Variants in DPY19L2 observed in about 807,000 individuals in gnomAD.
The protein encoded by DPY19L2 is dpy-19 like 2.
Under a neutral mutation model 97.9 loss-of-function variants are expected in DPY19L2, and 34 were observed. The ratio of observed to expected loss-of-function variants is 0.35; its 90% confidence interval spans 0.26 to 0.46. DPY19L2 has a LOEUF of 0.46. Among genes scored for constraint, DPY19L2 ranks in the 20% least tolerant of loss-of-function variants. The pLI is 1.00. For synonymous variants in DPY19L2, 230 were observed against 307.9 expected, an observed-to-expected ratio of 0.75 and a Z score of 2.65; for missense variants, 623 against 911.4, an observed-to-expected ratio of 0.68 and a Z score of 4.07.
chr12:63,601,336 G>GTTA (rs1885157282), intron 12 of DPY19L2, among the ~76,000 whole-genome samples: 1 of 151,958 alleles, frequency 6.6e-6, no homozygotes, highest in Non-Finnish European at 1.5e-5. Flanking sequence ...AGGCTTCTGT[G>GTTA]TTGTTGTTGT....
At position 63,652,962 on chromosome 12, in the gene DPY19L2, T is replaced by C. The variant is rs139318745; in HGVS notation, c.589-5597A>G. Among the ~76,000 whole-genome samples, 856 of 151,756 alleles carry C rather than the reference T, an allele frequency of 5.6e-3. 14 individuals are homozygous for C. The highest frequency in any genetic ancestry group is 0.017 in the Admixed American group (266 of 15,258). On this transcript the variant is annotated intron_variant, in intron 4 of 21. Coordinates refer to ENST00000324472, the MANE Select transcript of DPY19L2 (RefSeq NM_173812.5). ...AGAAGAAAAAGTGTCAGCAGAAAAATAGAACACATAAAGAAAAGTCAAAAT... is the reference window on the plus strand; with the variant it reads ...AGAAGAAAAAGTGTCAGCAGAAAAACAGAACACATAAAGAAAAGTCAAAAT...
At chr12:63,656,906 CT>C (rs1565851241) in intron 4 of DPY19L2, among the ~76,000 whole-genome samples, 1 of 87,816 alleles carries the variant, frequency 1.1e-5, no homozygotes, top group African/African-American at 4.9e-5. Context: ...CTAAAATTAT[CT>C]ATCTGATCTT....
At chr12:63,628,075 T>C (rs1187250576) in intron 6 of DPY19L2, among the ~76,000 whole-genome samples, 2 of 151,774 alleles carry the variant, frequency 1.3e-5, no homozygotes, top group Non-Finnish European at 2.9e-5. Context: ...GTAAGATGAG[T>C]TGGTGAGGGG....
chr12:63,648,606 T>G (rs568657092), intron 4 of DPY19L2, among the ~76,000 whole-genome samples: 6 of 152,086 alleles, frequency 3.9e-5, no homozygotes, highest in African/African-American at 1.4e-4. Flanking sequence ...TTTTATATAT[T>G]TAGTAGAGAC....
intron 16 of DPY19L2, among the ~76,000 whole-genome samples, chr12:63,593,559 A>G (rs542982217): frequency 5.5e-4 from 84 of 152,198 alleles, no homozygotes; most frequent in African/African-American, 2.0e-3. Context: ...CAAACACCGC[A>G]TATTCTCACT....
intron 3 of DPY19L2, among the ~76,000 whole-genome samples, chr12:63,662,012 A>G (rs117872144): frequency 0.07 from 10,708 of 152,222 alleles, 411 homozygotes; most frequent in Middle Eastern, 0.095. Flanking sequence ...GCAAAGTGAA[A>G]GCTCAGTGTC....
At chr12:63,577,090 C>G (rs1228847142) in intron 19 of DPY19L2, among the ~76,000 whole-genome samples, 1 of 151,870 alleles carries the variant, frequency 6.6e-6, no homozygotes, top group Non-Finnish European at 1.5e-5. Flanking sequence ...AACAGACACA[C>G]AGACCAGTGG....
intron 18 of DPY19L2, 59 bp from the exon 19 acceptor site, chr12:63,580,895 C>G: frequency 6.5e-7 from 1 of 1,539,408 alleles, no homozygotes. Flanking sequence ...GTAGGGTCAA[C>G]AATAAATTCT....
At position 63,569,244 on chromosome 12, in the gene DPY19L2, T is replaced by C; in HGVS notation, c.2106A>G (p.Ala702=). ...LHVNYYVLEE[A]WCVVRTKPGC... ...CTCACTTAGTTCTCACAACACACCA[T>C]GCCTCTTCTAAAACATAATAATTCA... The change falls in exon 21 of 22, where the codon GCA becomes GCG. Residue 702 remains alanine, a synonymous_variant. Transcript: ENST00000324472. 1 of 1,597,316 alleles carries C rather than the reference T, an allele frequency of 6.3e-7. No homozygotes were observed.
At chr12:63,597,314 A>C (rs1249673708) in intron 14 of DPY19L2, among the ~76,000 whole-genome samples, 1 of 152,130 alleles carries the variant, frequency 6.6e-6, no homozygotes, top group Non-Finnish European at 1.5e-5. Context: ...TTTAAAAAGA[A>C]TAATACCTTG....
intron 6 of DPY19L2, among the ~76,000 whole-genome samples, chr12:63,633,084 A>T (rs566806796): frequency 1.3e-5 from 2 of 152,292 alleles, no homozygotes; most frequent in African/African-American, 4.8e-5. Context: ...TTAAAGACTT[A>T]AACGTTAGAC....
At position 63,647,436 on chromosome 12, in the gene DPY19L2, A is replaced by C. The variant is rs927093059; in HGVS notation, c.589-71T>G. ...TCTTCATAATAATAATAATAATAAT[A>C]TATACCATGGAATACTATGCAGCCA... On this transcript the variant is annotated intron_variant, in intron 4 of 21. Coordinates refer to ENST00000324472, the MANE Select transcript of DPY19L2 (RefSeq NM_173812.5). 204 of 689,370 alleles carry C rather than the reference A, an allele frequency of 3.0e-4. 15 individuals carry two copies. The highest frequency in any genetic ancestry group is 7.2e-5 in the Admixed American group (2 of 27,644). The allele number at this position is 689,370 out of a possible 1,614,324, so 42.7% of individuals were successfully genotyped here.
intron 4 of DPY19L2, among the ~76,000 whole-genome samples, chr12:63,658,719 T>C (rs1895291808): frequency 6.6e-6 from 1 of 152,138 alleles, no homozygotes; most frequent in African/African-American, 2.4e-5. Flanking sequence ...CAAGGAAGTA[T>C]TACTCATAAA....
intron 12 of DPY19L2, among the ~76,000 whole-genome samples, chr12:63,603,542 C>T (rs184158725): frequency 8.5e-5 from 13 of 152,212 alleles, no homozygotes; most frequent in African/African-American, 2.2e-4. Context: ...CCCTGACAAG[C>T]CCCAGTGTGT....
chr12:63,619,951 G>A (rs1888422179), intron 9 of DPY19L2: 1 of 455,656 alleles, frequency 2.2e-6, no homozygotes, highest in African/African-American at 2.0e-5. Flanking sequence ...ACCTGAAAGG[G>A]GCCAACTTTT....
At chr12:63,649,526 A>T (rs1252481802) in intron 4 of DPY19L2, among the ~76,000 whole-genome samples, 2 of 152,110 alleles carry the variant, frequency 1.3e-5, no homozygotes, top group African/African-American at 4.8e-5. Context: ...AAAGCAAAAA[A>T]CTCTGAGAGA....
intron 6 of DPY19L2, among the ~76,000 whole-genome samples, chr12:63,633,645 A>C (rs1891112968): frequency 6.6e-6 from 1 of 152,174 alleles, no homozygotes; most frequent in South Asian, 2.1e-4. Context: ...CCATTGTGGA[A>C]GTCAGAGTGG....
rs1258343428 is a variant in DPY19L2, at chr12:63,559,230, T to C, written c.*1282A>G. 4 of 152,292 alleles carry C rather than the reference T, an allele frequency of 2.6e-5. No individual in the cohort carries two copies. Among genetic ancestry groups the C allele is most frequent in the Non-Finnish European group, 5.9e-5 (4 of 68,006 alleles). 9.4% of individuals were successfully genotyped at this position (152,292 alleles called of 1,614,324 possible). The stretch of plus-strand genomic sequence containing the variant: ...ATAAGATATTTTACAACTATGAAAG[T>C]TGAAAAATAACTTTATTGGTTTTGC... On this transcript the variant is annotated 3_prime_UTR_variant, in exon 22 of 22. Transcript: ENST00000324472.
At position 63,627,590 on chromosome 12, in the gene DPY19L2, T is replaced by G. The variant is rs535917649; in HGVS notation, c.804-1064A>C. ...GTCTCAAACTCCTGACTTCAAGTGA[T>G]CCGGCCACCTCAGCCTCCCAAAGTG... is the stretch of plus-strand genomic sequence containing the variant. On this transcript the variant is annotated intron_variant, in intron 6 of 21. Coordinates refer to ENST00000324472, the MANE Select transcript of DPY19L2 (RefSeq NM_173812.5). 3.4e-3 allele frequency among the ~76,000 whole-genome samples: 513 copies of G among 152,248 alleles called. 2 individuals are homozygous for G. Among genetic ancestry groups the G allele is most frequent in the Non-Finnish European group, 5.6e-3 (378 of 68,000 alleles).
Sources: gnomAD v4.1 joint callset for allele counts (sites outside exome capture counted in the v4.1 genomes callset) on GRCh38, gnomAD v4.1.1 for gene constraint, MANE v1.5 for transcripts, NCBI Gene and HGNC (gene_info 2026-07-23, HGNC 2026-07-21) for gene names.